PRKAR1B: variants seen among roughly 807,000 people sequenced by gnomAD.
The protein encoded by PRKAR1B is protein kinase cAMP-dependent type I regulatory subunit beta, also known as cAMP-dependent protein kinase type I-beta regulatory subunit.
In PRKAR1B, 22 loss-of-function variants were observed where a neutral mutation model predicts 46.5. The ratio of observed to expected loss-of-function variants is 0.47; its 90% confidence interval spans 0.34 to 0.68. The LOEUF (loss-of-function observed/expected upper bound fraction) is 0.68. Among genes scored for constraint, PRKAR1B ranks in the 30% least tolerant of loss-of-function variants. The pLI, the probability that PRKAR1B is intolerant of heterozygous loss-of-function variation, is 0.01. For missense variants in PRKAR1B, 445 were observed against 535.6 expected (o/e 0.83, Z 1.67); for synonymous variants, 259 against 217.7 (o/e 1.19, Z -1.67).
At chr7:607,106 C>A (rs1033823548) in intron 5 of PRKAR1B, among the ~76,000 whole-genome samples, 10 of 152,098 alleles carry the variant, frequency 6.6e-5, no homozygotes, top group African/African-American at 2.4e-4. Context: ...CAGGTTCAAG[C>A]GATTCTCCTG....
At chr7:605,455 C>G (rs1230350171) in intron 6 of PRKAR1B, among the ~76,000 whole-genome samples, 2 of 152,214 alleles carry the variant, frequency 1.3e-5, no homozygotes, top group Admixed American at 6.5e-5. Context: ...AGATGGGAGC[C>G]AGAGGCTCTG....
chr7:678,289 A>G (rs966077844), intron 3 of PRKAR1B, among the ~76,000 whole-genome samples: 2 of 152,186 alleles, frequency 1.3e-5, no homozygotes, highest in Non-Finnish European at 2.9e-5. Context: ...ACAAATAAAC[A>G]TATCTACACA....
intron 4 of PRKAR1B, among the ~76,000 whole-genome samples, chr7:619,679 C>T (rs951360631): frequency 1.3e-5 from 2 of 152,270 alleles, no homozygotes; most frequent in African/African-American, 2.4e-5. Context: ...ATTGTTCTGC[C>T]GTCCCTTCCT....
chr7:631,457 C>T (rs1372899849), intron 4 of PRKAR1B, among the ~76,000 whole-genome samples: 3 of 152,202 alleles, frequency 2.0e-5, no homozygotes, highest in East Asian at 3.9e-4. Context: ...AGGCAGAAGC[C>T]GGTCACCTTG....
At chr7:563,810 GGT>G (rs1353467608) in intron 9 of PRKAR1B, among the ~76,000 whole-genome samples, 2 of 151,978 alleles carry the variant, frequency 1.3e-5, no homozygotes. Flanking sequence ...TGTGTGCACA[GGT>G]GTGCCTGTGT....
chr7:636,288 CCGGCCGCGCCCT>C (rs1784070648), intron 4 of PRKAR1B, among the ~76,000 whole-genome samples: 2 of 8,446 alleles, frequency 2.4e-4, no homozygotes, highest in African/African-American at 4.7e-4. Context: ...ACGTCCTCCA[CCGGCCGCGCCCT>C]CACGTCCTCC....
At position 597,227 on chromosome 7, in the gene PRKAR1B, A is replaced by G. The variant is rs1308064583; in HGVS notation, c.550-923T>C. Among the ~76,000 whole-genome samples, 4 of 152,382 alleles carry G rather than the reference A, an allele frequency of 2.6e-5. No homozygotes were observed. The East Asian group carries it at 7.7e-4, about 29-fold the overall frequency. ...GGGAAAGAATGGATTGCAATGAATC[A>G]TGGAATCAATTCTTACTGAAATCAA... On this transcript the variant is annotated intron_variant, in intron 6 of 10. Coordinates refer to ENST00000537384, the MANE Select transcript of PRKAR1B (RefSeq NM_001164760.2).
chr7:665,036 A>C (rs566143919), intron 4 of PRKAR1B, among the ~76,000 whole-genome samples: 1 of 152,206 alleles, frequency 6.6e-6, no homozygotes, highest in South Asian at 2.1e-4. Context: ...TCCACTCACA[A>C]ATCAGACAAA....
intron 9 of PRKAR1B, among the ~76,000 whole-genome samples, chr7:554,187 C>A (rs1231365739): frequency 6.6e-6 from 1 of 152,254 alleles, no homozygotes; most frequent in Non-Finnish European, 1.5e-5. Context: ...CCGGCCCCAG[C>A]CTTCCCATAG....
chr7:644,586 C>G lies in PRKAR1B; in HGVS notation c.440+32643G>C, dbSNP rs539860765. 1.1e-4 allele frequency among the ~76,000 whole-genome samples: 16 copies of G among 152,298 alleles called. No homozygotes were observed. The highest frequency in any genetic ancestry group is 2.2e-4 in the Non-Finnish European group (15 of 68,018). On this transcript the variant is annotated intron_variant, in intron 4 of 10. Coordinates refer to ENST00000537384, the MANE Select transcript of PRKAR1B (RefSeq NM_001164760.2). The surrounding 1 kb of genome is among the most constrained non-coding windows in gnomAD (Gnocchi z 4.9). ...CTGAGGGGGCACCAGTCTGGCCATG[C>G]GAGTGCCCACAACTGGAAGGAAGCA...
intron 7 of PRKAR1B, among the ~76,000 whole-genome samples, chr7:589,150 T>C (rs1472510992): frequency 1.3e-5 from 2 of 150,872 alleles, no homozygotes; most frequent in African/African-American, 4.9e-5. Context: ...TACCCATGAC[T>C]CCCCATGCCC....
At chr7:611,988 TGGATGGACAGATGGATGGAC>T (rs1782525155) in intron 4 of PRKAR1B, among the ~76,000 whole-genome samples, 2 of 63,222 alleles carry the variant, frequency 3.2e-5, no homozygotes, top group African/African-American at 6.9e-5. Context: ...GATGGATGGA[TGGATGGACAGATGGATGGAC>T]GGACAGGTGG....
chr7:576,609 C>T (rs766584778), intron 9 of PRKAR1B, among the ~76,000 whole-genome samples: 19 of 151,678 alleles, frequency 1.3e-4, no homozygotes, highest in Admixed American at 3.9e-4. Context: ...TGTGGAGCTC[C>T]GTGAAGCTGG....
intron 2 of PRKAR1B, among the ~76,000 whole-genome samples, chr7:686,569 G>C (rs184546675): frequency 6.6e-6 from 1 of 152,080 alleles, no homozygotes; most frequent in Admixed American, 6.6e-5. Flanking sequence ...TGACATGGTT[G>C]TTCTTGCAGT....
chr7:698,622 G>T (rs1365329908), intron 2 of PRKAR1B, among the ~76,000 whole-genome samples: 1 of 151,898 alleles, frequency 6.6e-6, no homozygotes, highest in East Asian at 1.9e-4. Flanking sequence ...AAGTACATGT[G>T]TGAGCGTGTA....
At position 726,948 on chromosome 7, in the gene PRKAR1B, A is replaced by G. The variant is rs1178909060; in HGVS notation, c.-23+262T>C. 2.3e-6 allele frequency: 3 copies of G among 1,331,644 alleles called. No individual in the cohort carries two copies. In the East Asian group the frequency reaches 1.0e-4, roughly 45 times the overall value. The allele number at this position is 1,331,644 out of a possible 1,614,324, so 82.5% of individuals were successfully genotyped here. A position where few individuals can be genotyped will look rare whatever the true frequency, so the allele number is the denominator to read the frequency against. ...CTTTCCAGGGCCCCTGGGCGCGCCT[A>G]CTGCTGCCGCGCTTGCTGCGCTGCC... On this transcript the variant is annotated intron_variant, in intron 1 of 10. Coordinates refer to ENST00000537384, the MANE Select transcript of PRKAR1B (RefSeq NM_001164760.2).
chr7:629,245 G>C (rs942583881), intron 4 of PRKAR1B, among the ~76,000 whole-genome samples: 2 of 152,226 alleles, frequency 1.3e-5, no homozygotes, highest in Admixed American at 6.5e-5. Context: ...CCAAGCGCGA[G>C]GGCTGGAAAA....
intron 4 of PRKAR1B, among the ~76,000 whole-genome samples, chr7:662,048 C>A (rs1321293562): frequency 1.0e-4 from 8 of 79,172 alleles, no homozygotes; most frequent in Admixed American, 4.5e-4. Context: ...CTCTCCCCCC[C>A]ATGGCACAGG....
upstream of PRKAR1B, among the ~76,000 whole-genome samples, chr7:728,577 A>G (rs1781447585): frequency 6.6e-6 from 1 of 152,234 alleles, no homozygotes; most frequent in African/African-American, 2.4e-5. Context: ...CTGGATGGAC[A>G]TGGCCATTGA....
Sources: gnomAD v4.1 joint callset for allele counts (sites outside exome capture counted in the v4.1 genomes callset) on GRCh38, gnomAD v4.1.1 for gene constraint, Gnocchi (gnomAD v3.1) non-coding constraint, MANE v1.5 for transcripts, NCBI Gene and HGNC (gene_info 2026-07-23, HGNC 2026-07-21) for gene names.